The following SC5D variants were observed in gnomAD, a reference collection of about 807,000 sequenced individuals.
The protein encoded by SC5D is sterol-C5-desaturase.
In SC5D, 21 loss-of-function variants were observed where a neutral mutation model predicts 23.9. The observed-to-expected ratio is 0.88, with a 90% CI of 0.62 to 1.26. The LOEUF (loss-of-function observed/expected upper bound fraction) is 1.26. SC5D is among the 50% of genes most tolerant of loss of function. SC5D has a pLI of 0.00. For missense variants in SC5D, 309 were observed against 364.8 expected, an observed-to-expected ratio of 0.85 and a Z score of 1.25; for synonymous variants, 113 against 125.9, an observed-to-expected ratio of 0.90 and a Z score of 0.68.
At position 121,308,965 on chromosome 11, in the gene SC5D, C is replaced by T. The variant is rs1947989061; in HGVS notation, c.*1453C>T. On this transcript the variant is annotated 3_prime_UTR_variant, in exon 5 of 5. Transcript: ENST00000264027. ...TAGGCAAATGTCATTTAGTGCTTTT[C>T]ACCAATCCCACTCACCCCCGGTGCT... is the stretch of plus-strand genomic sequence containing the variant. Among the ~76,000 whole-genome samples the T allele has an allele frequency of 6.6e-6, 1 of 152,208 alleles. No individual in the cohort carries two copies. The highest frequency in any genetic ancestry group is 2.4e-5 in the African/African-American group (1 of 41,456).
rs1019137111 is a variant in SC5D, at chr11:121,312,351, T to A, written c.*4839T>A. Reference sequence around the variant, plus strand: ...AATCTCTAAGCTCAACTTGAAGATATAAGAACAGTAAATTTGATAAAAATG... The same window carrying A: ...AATCTCTAAGCTCAACTTGAAGATAAAAGAACAGTAAATTTGATAAAAATG... On this transcript the variant is annotated 3_prime_UTR_variant, in exon 5 of 5. Coordinates refer to ENST00000264027, the MANE Select transcript of SC5D (RefSeq NM_006918.5). Among the ~76,000 whole-genome samples, 1 of 152,208 alleles carries A rather than the reference T, an allele frequency of 6.6e-6. No individual in the cohort carries two copies. The highest frequency in any genetic ancestry group is 6.5e-5 in the Admixed American group (1 of 15,284).
At position 121,307,743 on chromosome 11, in the gene SC5D, G is replaced by C. The variant is rs1240843917; in HGVS notation, c.*231G>C. The C allele has an allele frequency of 4.5e-6, 2 of 443,932 alleles. No individual in the cohort carries two copies. The highest frequency in any genetic ancestry group is 8.0e-6 in the Non-Finnish European group (2 of 249,852). 27.5% of individuals were successfully genotyped at this position (443,932 alleles called of 1,614,324 possible). ...GCTTAAAATGCCAGATGTTGTTCGG[G>C]GGACAACTTGTATCTTTCTAGCAGC... On this transcript the variant is annotated 3_prime_UTR_variant, in exon 5 of 5. Transcript: ENST00000264027.
At chr11:121,296,751 A>G (rs554863541) in intron 1 of SC5D, among the ~76,000 whole-genome samples, 1 of 152,334 alleles carries the variant, frequency 6.6e-6, no homozygotes, top group Non-Finnish European at 1.5e-5. Context: ...TGAATTAACA[A>G]TGGCATGTAT....
At chr11:121,298,383 C>A (rs1410446560) in intron 1 of SC5D, among the ~76,000 whole-genome samples, 1 of 152,200 alleles carries the variant, frequency 6.6e-6, no homozygotes, top group African/African-American at 2.4e-5. Context: ...GGAATCAAAA[C>A]TTCCTTTAAG....
chr11:121,305,298 A>G (rs567011863), intron 3 of SC5D: 54 of 151,670 alleles, frequency 3.6e-4, no homozygotes, highest in African/African-American at 1.3e-3. Flanking sequence ...CTACAATTCT[A>G]TGAGATAGGT....
At chr11:121,303,307 AT>A in intron 1 of SC5D, 58 bp from the exon 2 acceptor site, 1 of 1,457,846 alleles carries the variant, frequency 6.9e-7, no homozygotes. Flanking sequence ...TTTCTGAAAA[AT>A]TTTTGCCTGG....
Position 121,307,706 on chromosome 11 carries a change from C to A in SC5D, c.*194C>A. The A allele has an allele frequency of 1.9e-6, 1 of 528,130 alleles. No individual in the cohort carries two copies. The highest frequency in any genetic ancestry group is 2.7e-5 in the South Asian group (1 of 37,392). The allele number at this position is 528,130 out of a possible 1,614,324, so 32.7% of individuals were successfully genotyped here. ...GAAGAAGATGCTGTGAACACCAGGA[C>A]TTTAATCTTATGCTTAAAATGCCAG... On this transcript the variant is annotated 3_prime_UTR_variant, in exon 5 of 5. Transcript: ENST00000264027.
intron 3 of SC5D, chr11:121,305,719 AAAAG>A (rs1947959291): frequency 6.5e-6 from 1 of 152,674 alleles, no homozygotes; most frequent in Non-Finnish European, 1.5e-5. Context: ...TCAAAAAAAA[AAAAG>A]AAAAAAAAAG....
chr11:121,296,042 T>G (rs1947886908), intron 1 of SC5D, among the ~76,000 whole-genome samples: 1 of 152,150 alleles, frequency 6.6e-6, no homozygotes, highest in African/African-American at 2.4e-5. Context: ...TTTCTTTTCT[T>G]TCCTTTTTTA....
chr11:121,306,400 G>A lies in SC5D; in HGVS notation c.358G>A (p.Val120Ile). The A allele has an allele frequency of 6.4e-7, 1 of 1,555,988 alleles. No individual in the cohort carries two copies. The highest frequency in any genetic ancestry group is 8.9e-7 in the Non-Finnish European group (1 of 1,127,554). Residue 120 changes from valine (V) to isoleucine (I), a missense_variant, in exon 4 of 5, where the codon GTC becomes ATC. Transcript: ENST00000264027. ...GEFPYGLFEL[V>I]VSIISFLFFT... ...TTCTTTTCTAGGATTGTTTGAACTT[G>A]TCGTTAGTATAATATCTTTCCTCTT... is the stretch of plus-strand genomic sequence containing the variant.
chr11:121,301,190 C>CT (rs1947923755), intron 1 of SC5D, among the ~76,000 whole-genome samples: 2 of 152,084 alleles, frequency 1.3e-5, no homozygotes, highest in Non-Finnish European at 2.9e-5. Flanking sequence ...GGCAAAGACT[C>CT]TAAATCAGCT....
At position 121,304,445 on chromosome 11, in the gene SC5D, A is replaced by G. The variant is rs1251614258; in HGVS notation, c.295A>G (p.Ile99Val). The G allele has an allele frequency of 6.2e-7, 1 of 1,612,528 alleles. No individual in the cohort carries two copies. The highest frequency in any genetic ancestry group is 8.5e-7 in the Non-Finnish European group (1 of 1,178,674). Residue 99 changes from isoleucine to valine, a missense_variant, in exon 3 of 5, where the codon ATA (isoleucine) becomes GTA (valine). Ile to Val is a conservative substitution (Grantham distance 29). Transcript: ENST00000264027. ...TACTGTTGCACTGTTCTTGCTGGAG[A>G]TAAGAGGTTACAGCAAATTACATGA... is the stretch of plus-strand genomic sequence containing the variant. Reference protein sequence around the residue: ...ILTVALFLLEIRGYSKLHDDL... With the variant: ...ILTVALFLLEVRGYSKLHDDL...
At position 121,293,658 on chromosome 11, in the gene SC5D, A is replaced by G. The variant is rs1054601931; in HGVS notation, c.-11+842A>G. ...AAGTTTGTGGCAGCTCGGTACTTTT[A>G]GAGGAAACCCTCTGGAAGTTATTTG... On this transcript the variant is annotated intron_variant, in intron 1 of 4. Coordinates refer to ENST00000264027, the MANE Select transcript of SC5D (RefSeq NM_006918.5). 7.9e-5 allele frequency among the ~76,000 whole-genome samples: 12 copies of G among 152,238 alleles called. No homozygotes were observed. The East Asian group carries it at 1.9e-3, about 24-fold the overall frequency.
At position 121,307,098 on chromosome 11, in the gene SC5D, A is replaced by G. The variant is rs753236373; in HGVS notation, c.486A>G (p.Pro162=). The change falls in exon 5 of 5, where the codon CCA becomes CCG. Residue 162 remains proline, a synonymous_variant. Transcript: ENST00000264027. ...KPHHIWKIPT[P]FASHAFHPID... The stretch of plus-strand genomic sequence containing the variant: ...ACCATATTTGGAAGATTCCTACTCC[A>G]TTTGCAAGTCATGCTTTTCACCCTA... 1.9e-6 allele frequency: 3 copies of G among 1,614,110 alleles called. No individual in the cohort carries two copies. The highest frequency in any genetic ancestry group is 2.2e-5 in the East Asian group (1 of 44,880).
chr11:121,302,742 G>A (rs984448860), intron 1 of SC5D, among the ~76,000 whole-genome samples: 1 of 152,146 alleles, frequency 6.6e-6, no homozygotes. Context: ...ACCAACTCCC[G>A]ATCTGGAATA....
At chr11:121,306,297 C>G (rs1947963281) in intron 3 of SC5D, 89 bp from the exon 4 acceptor site, 7 of 724,008 alleles carry the variant, frequency 9.7e-6, no homozygotes, top group Non-Finnish European at 1.5e-5. Context: ...GTCTAGGATC[C>G]CATTTTGCAC....
chr11:121,295,686 T>C (rs746489514), intron 1 of SC5D, among the ~76,000 whole-genome samples: 1 of 152,172 alleles, frequency 6.6e-6, no homozygotes, highest in Non-Finnish European at 1.5e-5. Flanking sequence ...AGCTTAGTGA[T>C]TTTGGAGTCC....
chr11:121,296,520 A>G (rs1401798427), intron 1 of SC5D, among the ~76,000 whole-genome samples: 3 of 152,178 alleles, frequency 2.0e-5, no homozygotes, highest in East Asian at 1.9e-4. Flanking sequence ...TCCAAATCTA[A>G]TATCATATTC....
At chr11:121,298,982 C>T (rs1947908506) in intron 1 of SC5D, among the ~76,000 whole-genome samples, 1 of 152,164 alleles carries the variant, frequency 6.6e-6, no homozygotes, top group Non-Finnish European at 1.5e-5. Flanking sequence ...AAGGCAGGAA[C>T]CGGCCATTTT....
Sources: allele counts gnomAD v4.1 joint callset (sites outside exome capture counted in the v4.1 genomes callset), GRCh38; gene constraint gnomAD v4.1.1; transcripts MANE v1.5; gene names NCBI Gene and HGNC (gene_info 2026-07-23, HGNC 2026-07-21).